The following POP4 variants were observed in gnomAD, a reference collection of about 807,000 sequenced individuals.
The protein encoded by POP4 is ribonuclease P protein subunit p29.
In POP4, 31 loss-of-function variants were observed where a neutral mutation model predicts 29.9. That is an observed-to-expected ratio of 1.04 (90% CI 0.78 to 1.40). The LOEUF is 1.40. POP4 is among the 40% of genes most tolerant of loss of function. The probability of loss-of-function intolerance (pLI) is 0.00; values close to 1 mark genes in which losing one functional copy is unlikely to be tolerated. For synonymous variants in POP4, 110 were observed against 108.2 expected (o/e 1.02, Z -0.10); for missense variants, 286 against 282.7 (o/e 1.01, Z -0.08).
Position 29,611,902 on chromosome 19 carries a change from T to A in POP4, c.325T>A (p.Tyr109Asn). 1 of 1,614,220 alleles carries A rather than the reference T, an allele frequency of 6.2e-7. No homozygotes were observed. The highest frequency in any genetic ancestry group is 8.5e-7 in the Non-Finnish European group (1 of 1,180,042). ...FLPLHELWKQ[Y>N]IRDLCSGLKP... is the part of the protein sequence containing the mutation. ...CCCTCTCCATGAACTCTGGAAACAG[T>A]ACATCAGGGACCTGTGCAGTGGGCT... Residue 109 changes from tyrosine to asparagine, a missense_variant, in exon 4 of 7, where the codon TAC (tyrosine) becomes AAC (asparagine). By Grantham distance (143) the Tyr-to-Asn change is moderately radical (BLOSUM62 -2). Coordinates refer to ENST00000585603, the MANE Select transcript of POP4 (RefSeq NM_006627.3).
In POP4 at chr19:29,610,572, G is replaced by T. The variant is rs769038402; in HGVS notation, c.224G>T (p.Gly75Val). ...KRKEKKKKAK[G>V]LSARQRRELR... ...AAGGAGAAGAAGAAGAAAGCCAAAG[G>T]CCTCTCTGCCAGGCAAAGGAGGGAG... The change falls in exon 3 of 7, where the codon GGC becomes GTC. Residue 75 changes from glycine to valine, a missense_variant. Coordinates refer to ENST00000585603, the MANE Select transcript of POP4 (RefSeq NM_006627.3). The T allele has an allele frequency of 9.9e-6, 16 of 1,614,210 alleles. No homozygotes were observed. Among genetic ancestry groups the T allele is most frequent in the Middle Eastern group, 1.6e-4 (1 of 6,062 alleles).
In POP4 at chr19:29,615,750, C is replaced by G. The variant is rs762896788; in HGVS notation, c.*370C>G. The G allele has an allele frequency of 5.6e-5, 10 of 177,454 alleles. No individual in the cohort carries two copies. The highest frequency in any genetic ancestry group is 1.2e-4 in the Non-Finnish European group (10 of 83,222). 11.0% of individuals were successfully genotyped at this position (177,454 alleles called of 1,614,324 possible). The stretch of plus-strand genomic sequence containing the variant: ...TAAATCAGTTGCATCTGTGATAATA[C>G]AGTACATATGTGGACATAAACAGGG... On this transcript the variant is annotated 3_prime_UTR_variant, in exon 7 of 7. Transcript: ENST00000585603.
rs530482038 is a variant in POP4, at chr19:29,616,015, G to T, written c.*635G>T. The T allele has an allele frequency of 6.6e-6, 1 of 152,370 alleles. No homozygotes were observed. Among genetic ancestry groups the T allele is most frequent in the Non-Finnish European group, 1.5e-5 (1 of 68,084 alleles). The allele number at this position is 152,370 out of a possible 1,614,324, so 9.4% of individuals were successfully genotyped here. A position where few individuals can be genotyped will look rare whatever the true frequency, so the allele number is the denominator to read the frequency against. On this transcript the variant is annotated 3_prime_UTR_variant, in exon 7 of 7. Transcript: ENST00000585603. ...GGGTGGACCCCAGGAGCAGAGTACTGCATGCAGCTGTGCCCATGCATGGTT... is the reference window on the plus strand; with the variant it reads ...GGGTGGACCCCAGGAGCAGAGTACTTCATGCAGCTGTGCCCATGCATGGTT...
At chr19:29,607,447 C>G (rs1006026314) in intron 1 of POP4, among the ~76,000 whole-genome samples, 14 of 106,422 alleles carry the variant, frequency 1.3e-4, no homozygotes, top group African/African-American at 5.8e-4. Flanking sequence ...AACCCAGTAT[C>G]AAAACAAACA....
At position 29,608,666 on chromosome 19, in the gene POP4, A is replaced by G; in HGVS notation, c.17A>G (p.Tyr6Cys). The G allele has an allele frequency of 6.2e-7, 1 of 1,613,916 alleles. No homozygotes were observed. The highest frequency in any genetic ancestry group is 8.5e-7 in the Non-Finnish European group (1 of 1,179,840). MKSVI[Y>C]HALSQKEAND... ...TTTTTTAATCCCCCAGGTGTGATCTACCATGCATTGTCTCAGAAAGAGGCG... is the reference window on the plus strand; with the variant it reads ...TTTTTTAATCCCCCAGGTGTGATCTGCCATGCATTGTCTCAGAAAGAGGCG... The change falls in exon 2 of 7, where the codon TAC becomes TGC. Residue 6 changes from tyrosine to cysteine, a missense_variant. Tyr to Cys is a radical substitution (Grantham distance 194). Coordinates refer to ENST00000585603, the MANE Select transcript of POP4 (RefSeq NM_006627.3).
chr19:29,610,902 C>A, intron 3 of POP4: 1 of 479,924 alleles, frequency 2.1e-6, no homozygotes, highest in Non-Finnish European at 3.8e-6. Context: ...GCTGTTTGTC[C>A]TTCGGCTTTG....
At chr19:29,610,830 G>GT in intron 3 of POP4, 198 bp downstream of exon 3, 1 of 595,758 alleles carries the variant, frequency 1.7e-6, no homozygotes, top group Non-Finnish European at 3.0e-6. Context: ...TCATTGTCTG[G>GT]CCTCTCTCCT....
At chr19:29,607,004 A>G (rs895343125) in intron 1 of POP4, among the ~76,000 whole-genome samples, 2 of 152,196 alleles carry the variant, frequency 1.3e-5, no homozygotes, top group African/African-American at 4.8e-5. Flanking sequence ...GTCTGTTACT[A>G]AGCACCTGTA....
chr19:29,608,738 A>G (rs750553584), intron 2 of POP4, 29 bp downstream of exon 2: 1 of 1,607,160 alleles, frequency 6.2e-7, no homozygotes, highest in Non-Finnish European at 8.5e-7. Context: ...GTCCAGGAGC[A>G]ACAGAGGTGA....
At chr19:29,609,961 G>A (rs182843318) in intron 2 of POP4, among the ~76,000 whole-genome samples, 8 of 152,304 alleles carry the variant, frequency 5.3e-5, no homozygotes, top group Admixed American at 3.9e-4. Flanking sequence ...CCCTAGTTTT[G>A]CTGTTTTCTG....
intron 1 of POP4, among the ~76,000 whole-genome samples, 156 bp from the exon 2 acceptor site, chr19:29,608,501 G>A (rs1401407735): frequency 6.6e-6 from 1 of 152,034 alleles, no homozygotes; most frequent in Non-Finnish European, 1.5e-5. Flanking sequence ...TCCTGACCTT[G>A]GGTCAGGATC....
In POP4 at chr19:29,607,659, C is replaced by G. The variant is rs151177899; in HGVS notation, c.8-998C>G. On this transcript the variant is annotated intron_variant, in intron 1 of 6. Transcript: ENST00000585603. ...CCCCAGTGCCATGGTTTTCTTCTTT[C>G]AAAAAATTAAGAAACAGAAGTGTGG... Among the ~76,000 whole-genome samples, 21 of 152,200 alleles carry G rather than the reference C, an allele frequency of 1.4e-4. No individual in the cohort carries two copies. In the East Asian group the frequency reaches 3.9e-3, roughly 28 times the overall value.
chr19:29,608,262 C>CTTTTTTTT (rs1164860504), intron 1 of POP4, among the ~76,000 whole-genome samples: 43 of 86,556 alleles, frequency 5.0e-4, no homozygotes, highest in African/African-American at 1.4e-3. Context: ...CTTTTCTTTT[C>CTTTTTTTT]TTTTTTTTTT....
At chr19:29,608,821 A>G in intron 2 of POP4, 112 bp downstream of exon 2, 1 of 1,028,360 alleles carries the variant, frequency 9.7e-7, no homozygotes, top group Non-Finnish European at 1.5e-6. Flanking sequence ...CATACTCCTC[A>G]TTTTTCTGGC....
In POP4 at chr19:29,610,550, GAGA is replaced by G. The variant is rs745595688; in HGVS notation, c.213_215del (p.Lys72del). 1.2e-4 allele frequency: 186 copies of G among 1,614,044 alleles called. 1 individual carries two copies. The highest frequency in any genetic ancestry group is 1.4e-4 in the Non-Finnish European group (167 of 1,180,046). ...GTACTTCACCCGCCACAAGCGCAAG[GAGA>G]AGAAGAAGAAAGCCAAAGGCCTCTC... On this transcript the variant is annotated inframe_deletion, in exon 3 of 7. Transcript: ENST00000585603.
chr19:29,609,666 A>G (rs1388932031), intron 2 of POP4, among the ~76,000 whole-genome samples: 1 of 152,118 alleles, frequency 6.6e-6, no homozygotes, highest in African/African-American at 2.4e-5. Context: ...TGAGAATTGC[A>G]CACAATTACG....
At chr19:29,607,524 A>T (rs142586161) in intron 1 of POP4, among the ~76,000 whole-genome samples, 1 of 152,330 alleles carries the variant, frequency 6.6e-6, no homozygotes, top group Non-Finnish European at 1.5e-5. Context: ...AGTACAAGAA[A>T]GCTGGAATTA....
At chr19:29,608,262 CTTTTTTT>C (rs1164860504) in intron 1 of POP4, among the ~76,000 whole-genome samples, 3 of 86,578 alleles carry the variant, frequency 3.5e-5, no homozygotes, top group Admixed American at 1.4e-4. Flanking sequence ...CTTTTCTTTT[CTTTTTTT>C]TTTTTTTTTT....
intron 5 of POP4, chr19:29,613,312 G>A (rs1460670751): frequency 6.5e-6 from 1 of 152,690 alleles, no homozygotes; most frequent in Non-Finnish European, 1.5e-5. Context: ...TTTCCGTGCT[G>A]TGTCCCTGGC....
Sources: gnomAD v4.1 joint callset for allele counts (sites outside exome capture counted in the v4.1 genomes callset) on GRCh38, gnomAD v4.1.1 for gene constraint, MANE v1.5 for transcripts, NCBI Gene and HGNC (gene_info 2026-07-23, HGNC 2026-07-21) for gene names.